Variants in OTOA observed in about 807,000 individuals in gnomAD.
The protein encoded by OTOA is otoancorin, also known as cancer/testis antigen 108.
Under a neutral mutation model 110.8 loss-of-function variants are expected in OTOA, and 70 were observed. The observed-to-expected ratio is 0.63, with a 90% confidence interval of 0.52 to 0.77. The LOEUF (loss-of-function observed/expected upper bound fraction) is 0.77, where lower values mean the gene tolerates loss of function less well. Among genes scored for constraint, OTOA ranks in the 30% least tolerant of loss-of-function variants. OTOA has a pLI of 0.00. For synonymous variants in OTOA, 373 were observed against 431.5 expected, an observed-to-expected ratio of 0.86 and a Z score of 1.68; for missense variants, 917 against 1,075.8, an observed-to-expected ratio of 0.85 and a Z score of 2.06.
rs529959943 is a variant in OTOA, at chr16:21,677,475, A to G, written c.-4-1036A>G. ...ATCTGTTTTTATGAAGTTTAGCTTC[A>G]TATCTTTTTTTTTTTTTTTTTTTTG... On this transcript the variant is annotated intron_variant, in intron 1 of 28. Coordinates refer to ENST00000646100, the MANE Select transcript of OTOA (RefSeq NM_144672.4). Among the ~76,000 whole-genome samples the G allele has an allele frequency of 1.8e-3, 260 of 143,114 alleles. 2 individuals are homozygous for G. Among genetic ancestry groups the G allele is most frequent in the South Asian group, 0.013 (60 of 4,636 alleles). 93.9% of individuals were successfully genotyped at this position (143,114 alleles called of 152,430 possible).
chr16:21,685,193 T>C (rs903287616), intron 6 of OTOA, 37 bp from the exon 7 acceptor site: 4 of 1,607,674 alleles, frequency 2.5e-6, no homozygotes, highest in African/African-American at 2.7e-5. Flanking sequence ...TCCTGCTCTT[T>C]CTGTTCTCAC....
chr16:21,709,375 C>T (rs1308133157), intron 12 of OTOA, among the ~76,000 whole-genome samples: 1 of 151,656 alleles, frequency 6.6e-6, no homozygotes, highest in African/African-American at 2.4e-5. Flanking sequence ...TGCAGTGTTG[C>T]AGTGAGCCAA....
At position 21,705,218 on chromosome 16, in the gene OTOA, A is replaced by G; in HGVS notation, c.1030A>G (p.Thr344Ala). Residue 344 changes from threonine (T) to alanine (A), a missense_variant, in exon 12 of 29, where the codon ACT becomes GCT. By Grantham distance (58) the Thr-to-Ala change is moderately conservative (BLOSUM62 0). Coordinates refer to ENST00000646100, the MANE Select transcript of OTOA (RefSeq NM_144672.4). ...FYNDLELLDA[T>A]VAQVLLYQMI... ...CAATGACCTGGAATTGCTGGATGCCACTGTGGCTCAAGTCCTGCTTTACCA... is the reference window on the plus strand; with the variant it reads ...CAATGACCTGGAATTGCTGGATGCCGCTGTGGCTCAAGTCCTGCTTTACCA... 1.9e-6 allele frequency: 3 copies of G among 1,614,130 alleles called. No homozygotes were observed. The highest frequency in any genetic ancestry group is 1.3e-5 in the African/African-American group (1 of 75,052).
Position 21,705,259 on chromosome 16 carries a change from C to T in OTOA, c.1071C>T (p.Ser357=). Residue 357 remains serine (S), a synonymous_variant, in exon 12 of 29, where the codon AGC becomes AGT. Transcript: ENST00000646100. ...TGCTTTACCAGATGATCAAGTGCAGCCACCTGAGGGGCTTCCAGGCTGGCG... is the reference window on the plus strand; with the variant it reads ...TGCTTTACCAGATGATCAAGTGCAGTCACCTGAGGGGCTTCCAGGCTGGCG... The part of the protein sequence containing the change: ...QVLLYQMIKC[S]HLRGFQAGVQ... The T allele has an allele frequency of 3.1e-6, 5 of 1,614,112 alleles. No individual in the cohort carries two copies. The highest frequency in any genetic ancestry group is 2.5e-6 in the Non-Finnish European group (3 of 1,180,012).
intron 18 of OTOA, among the ~76,000 whole-genome samples, chr16:21,725,572 C>G (rs1476156452): frequency 6.6e-6 from 1 of 152,120 alleles, no homozygotes; most frequent in Admixed American, 6.5e-5. Flanking sequence ...CTGTGAGCCA[C>G]CACACCTGGC....
chr16:21,693,997 A>G (rs1238743185), intron 9 of OTOA, among the ~76,000 whole-genome samples: 1 of 152,204 alleles, frequency 6.6e-6, no homozygotes, highest in Non-Finnish European at 1.5e-5. Flanking sequence ...TTCAGCTCTG[A>G]CACTGCAGCT....
chr16:21,727,296 C>T (rs779055149), intron 19 of OTOA: 1 of 156,044 alleles, frequency 6.4e-6, no homozygotes, highest in African/African-American at 2.4e-5. Context: ...GGATTACAGA[C>T]ATGAGCCACC....
chr16:21,706,596 A>T (rs1356820471), intron 12 of OTOA, among the ~76,000 whole-genome samples: 2 of 151,806 alleles, frequency 1.3e-5, no homozygotes, highest in African/African-American at 2.4e-5. Context: ...CTTCCTCTCC[A>T]TCTCTCTCTT....
At chr16:21,686,744 A>G (rs1197461317) in intron 7 of OTOA, among the ~76,000 whole-genome samples, 1 of 152,022 alleles carries the variant, frequency 6.6e-6, no homozygotes, top group African/African-American at 2.4e-5. Context: ...TCTACAAAAA[A>G]CAGCTGAGCA....
Position 21,668,751 on chromosome 16 carries a change from C to T in OTOA, c.-5+4519C>T, listed in dbSNP as rs536925262. Among the ~76,000 whole-genome samples the T allele has an allele frequency of 3.2e-4, 49 of 152,056 alleles. 1 individual carries two copies. The highest frequency in any genetic ancestry group is 1.8e-3 in the Admixed American group (27 of 15,258). On this transcript the variant is annotated intron_variant, in intron 1 of 28. Coordinates refer to ENST00000646100, the MANE Select transcript of OTOA (RefSeq NM_144672.4). Reference sequence around the variant, plus strand: ...TGCTGGGATTACAGGTGTGAGCCACCGTGCCCAGACATGACGTGTTTGAAT... The same window carrying T: ...TGCTGGGATTACAGGTGTGAGCCACTGTGCCCAGACATGACGTGTTTGAAT...
chr16:21,697,338 A>C (rs1409194353), intron 9 of OTOA, among the ~76,000 whole-genome samples: 1 of 152,122 alleles, frequency 6.6e-6, no homozygotes, highest in Non-Finnish European at 1.5e-5. Context: ...TGAGTTAATA[A>C]CAAATTAATG....
At chr16:21,701,102 A>T in intron 11 of OTOA, 75 bp downstream of exon 11, 1 of 1,602,158 alleles carries the variant, frequency 6.2e-7, no homozygotes, top group Non-Finnish European at 8.5e-7. Context: ...CTGAGCAGCA[A>T]AACACCCAGG....
At chr16:21,707,601 C>CTTTCTTTCTTTG (rs1898209114) in intron 12 of OTOA, among the ~76,000 whole-genome samples, 1 of 55,870 alleles carries the variant, frequency 1.8e-5, no homozygotes, top group East Asian at 4.2e-4. Context: ...CCTTTTCTTT[C>CTTTCTTTCTTTG]TTTCTTTCTT....
At chr16:21,731,868 C>T (rs1471821115) in intron 21 of OTOA, among the ~76,000 whole-genome samples, 5 of 152,344 alleles carry the variant, frequency 3.3e-5, no homozygotes, top group South Asian at 4.1e-4. Context: ...TAGGATCACA[C>T]GCAGCACATT....
intron 1 of OTOA, among the ~76,000 whole-genome samples, chr16:21,672,265 A>G (rs1187165235): frequency 6.6e-6 from 1 of 152,056 alleles, no homozygotes; most frequent in Non-Finnish European, 1.5e-5. Context: ...TCCTTTTCCT[A>G]TGCATATAAT....
chr16:21,728,591 A>ATT (rs144501675), intron 20 of OTOA, among the ~76,000 whole-genome samples, 160 bp downstream of exon 20: 2 of 143,944 alleles, frequency 1.4e-5, no homozygotes, highest in Non-Finnish European at 1.5e-5. Context: ...TTGGCTTCAG[A>ATT]TTTTTTTTTT....
intron 13 of OTOA, among the ~76,000 whole-genome samples, chr16:21,711,622 C>G (rs766686972): frequency 6.6e-6 from 1 of 152,196 alleles, no homozygotes; most frequent in African/African-American, 2.4e-5. Context: ...GCACCCACCA[C>G]CACACCCAGC....
chr16:21,717,331 C>T (rs1048761828), intron 15 of OTOA, among the ~76,000 whole-genome samples: 3 of 152,046 alleles, frequency 2.0e-5, no homozygotes, highest in African/African-American at 7.2e-5. Context: ...GTCCCAGCTA[C>T]TCAGGAGGCT....
intron 13 of OTOA, among the ~76,000 whole-genome samples, chr16:21,712,513 T>C (rs11643027): frequency 0.085 from 12,950 of 151,630 alleles, 588 homozygotes; most frequent in Middle Eastern, 0.14. Flanking sequence ...ATTTTGCTTG[T>C]TCTAAAGCAA....
Sources: gnomAD v4.1 joint callset for allele counts (sites outside exome capture counted in the v4.1 genomes callset) on GRCh38, gnomAD v4.1.1 for gene constraint, MANE v1.5 for transcripts, NCBI Gene and HGNC (gene_info 2026-07-23, HGNC 2026-07-21) for gene names.